The following ANO2 variants were observed in gnomAD, a reference collection of about 807,000 sequenced individuals.
ANO2 encodes the protein anoctamin 2.
Under a neutral mutation model 124.2 loss-of-function variants are expected in ANO2, and 101 were observed. The ratio of observed to expected loss-of-function variants is 0.81; its 90% confidence interval spans 0.69 to 0.96. The LOEUF is 0.96. ANO2 is among the 40% of genes least tolerant of loss of function. ANO2 has a pLI of 0.00. For synonymous variants in ANO2, 486 were observed against 482.5 expected, an observed-to-expected ratio of 1.01 and a Z score of -0.09; for missense variants, 1,293 against 1,274.5, an observed-to-expected ratio of 1.01 and a Z score of -0.22.
At chr12:5,775,364 G>A (rs891331483) in intron 10 of ANO2, among the ~76,000 whole-genome samples, 5 of 151,622 alleles carry the variant, frequency 3.3e-5, no homozygotes, top group Non-Finnish European at 7.4e-5. Context: ...ACATATGCCC[G>A]TATGAGTCAT....
intron 10 of ANO2, among the ~76,000 whole-genome samples, chr12:5,765,066 G>A (rs1048373743): frequency 1.1e-4 from 17 of 152,344 alleles, no homozygotes; most frequent in Admixed American, 5.9e-4. Context: ...CCAGGAGCCT[G>A]AGCACAGAGT....
intron 22 of ANO2, among the ~76,000 whole-genome samples, chr12:5,576,308 G>C (rs1348373008): frequency 6.6e-6 from 1 of 152,206 alleles, no homozygotes; most frequent in East Asian, 1.9e-4. Flanking sequence ...CCACTTCTGA[G>C]ATATCTAACA....
chr12:5,702,036 A>T (rs1949424078), intron 14 of ANO2, among the ~76,000 whole-genome samples: 2 of 152,250 alleles, frequency 1.3e-5, no homozygotes, highest in Admixed American at 6.5e-5. Flanking sequence ...TAAAAAATAA[A>T]AAAATAATAG....
intron 16 of ANO2, among the ~76,000 whole-genome samples, chr12:5,617,314 T>C (rs1352633915): frequency 6.6e-6 from 1 of 151,412 alleles, no homozygotes; most frequent in African/African-American, 2.4e-5. Flanking sequence ...CAGATAACAC[T>C]GTATCACAAC....
In ANO2 at chr12:5,862,824, CTT is replaced by C. The variant is rs1314076851; in HGVS notation, c.535-8685_535-8684del. ...TCTTTTTTTGAGACAAAATTTCGCT[CTT>C]GTTACCCAGGCTGGAGTGCAATGGC... is the stretch of plus-strand genomic sequence containing the variant. On this transcript the variant is annotated intron_variant, in intron 3 of 24. Coordinates refer to ENST00000682330, the MANE Select transcript of ANO2 (RefSeq NM_001364791.2). This position sits in a 1 kb window ranked among gnomAD's most constrained non-coding sequence, Gnocchi z 4.0. 6.6e-6 allele frequency among the ~76,000 whole-genome samples: 1 copy of C among 152,048 alleles called. No homozygotes were observed. Among genetic ancestry groups the C allele is most frequent in the Non-Finnish European group, 1.5e-5 (1 of 67,998 alleles).
intron 3 of ANO2, among the ~76,000 whole-genome samples, chr12:5,912,242 T>C (rs1591782039): frequency 6.6e-6 from 1 of 152,194 alleles, no homozygotes; most frequent in African/African-American, 2.4e-5. Context: ...ACCTGGACAC[T>C]GCTCATCTCT....
chr12:5,735,898 T>C (rs1348118097), intron 13 of ANO2, among the ~76,000 whole-genome samples: 1 of 152,030 alleles, frequency 6.6e-6, no homozygotes, highest in African/African-American at 2.4e-5. Context: ...TAAGCTTTGA[T>C]GTTATACACG....
chr12:5,931,253 TC>T (rs1301336539), intron 1 of ANO2, among the ~76,000 whole-genome samples: 2 of 151,806 alleles, frequency 1.3e-5, no homozygotes, highest in African/African-American at 2.4e-5. Context: ...CTGCTGGCCT[TC>T]CCCCTATACC....
chr12:5,583,938 A>C, intron 20 of ANO2: 1 of 226,002 alleles, frequency 4.4e-6, no homozygotes. Flanking sequence ...CTTCCTGCAC[A>C]GCTTCATCCT....
intron 3 of ANO2, among the ~76,000 whole-genome samples, chr12:5,863,677 C>G (rs1179720709): frequency 6.6e-6 from 1 of 151,864 alleles, no homozygotes; most frequent in Non-Finnish European, 1.5e-5. Flanking sequence ...TGTCAAAACT[C>G]AACAGATTGG....
At chr12:5,691,019 A>G (rs1214451023) in intron 14 of ANO2, among the ~76,000 whole-genome samples, 1 of 152,160 alleles carries the variant, frequency 6.6e-6, no homozygotes, top group Non-Finnish European at 1.5e-5. Flanking sequence ...TAAAATGGAG[A>G]GACGGCCGGC....
At chr12:5,696,279 A>T in intron 14 of ANO2, among the ~76,000 whole-genome samples, 1 of 152,234 alleles carries the variant, frequency 6.6e-6, no homozygotes, top group East Asian at 1.9e-4. Context: ...ACCTTTAAAA[A>T]GAAACGCAAA....
intron 10 of ANO2, among the ~76,000 whole-genome samples, chr12:5,766,999 G>A (rs908642518): frequency 9.2e-5 from 14 of 152,218 alleles, no homozygotes; most frequent in Non-Finnish European, 1.9e-4. Flanking sequence ...CAATTCTCAG[G>A]AGATCAGAAG....
intron 19 of ANO2, among the ~76,000 whole-genome samples, chr12:5,610,055 T>G (rs1405327468): frequency 7.3e-6 from 1 of 136,374 alleles, no homozygotes; most frequent in African/African-American, 2.8e-5. Context: ...ATATATTATA[T>G]ATAAATATTT....
intron 23 of ANO2, among the ~76,000 whole-genome samples, chr12:5,568,525 G>A (rs997064077): frequency 2.8e-4 from 43 of 152,070 alleles, no homozygotes; most frequent in African/African-American, 8.9e-4. Context: ...TAAATGACTC[G>A]TTGTTTACAT....
rs149680800 is a variant in ANO2, at chr12:5,888,635, C to T, written c.534+32405G>A. On this transcript the variant is annotated intron_variant, in intron 3 of 24. Transcript: ENST00000682330. ...CACAGAGTGTGGACACAAAAGTTCT[C>T]CACGTCCCCACTAGATTAGCTAGAT... Among the ~76,000 whole-genome samples the T allele has an allele frequency of 1.2e-4, 19 of 152,308 alleles. No individual in the cohort carries two copies. The East Asian group carries it at 3.7e-3, about 29-fold the overall frequency.
At chr12:5,923,737 G>A (rs1007835443) in intron 1 of ANO2, among the ~76,000 whole-genome samples, 7 of 152,234 alleles carry the variant, frequency 4.6e-5, no homozygotes, top group Admixed American at 6.5e-5. Flanking sequence ...AGGGAACTGA[G>A]AGAGTAGATA....
chr12:5,830,500 C>T lies in ANO2; in HGVS notation c.786-11G>A. The T allele has an allele frequency of 6.2e-7, 1 of 1,609,250 alleles. No individual in the cohort carries two copies. Among genetic ancestry groups the T allele is most frequent in the Non-Finnish European group, 8.5e-7 (1 of 1,177,822 alleles). On this transcript the variant is annotated splice_polypyrimidine_tract_variant and intron_variant, in intron 5 of 24. Transcript: ENST00000682330. ...TCCTGGATGTTGTACCTGGAGACAC[C>T]AAGAGAGCAGATGGCAAATTCATTT... is the stretch of plus-strand genomic sequence containing the variant.
intron 14 of ANO2, among the ~76,000 whole-genome samples, chr12:5,665,889 A>AT (rs146435693): frequency 0.011 from 1,687 of 151,890 alleles, 27 homozygotes; most frequent in African/African-American, 0.039. Flanking sequence ...TGGCTGGGGG[A>AT]TTTTTTTCCA....
Sources: allele counts gnomAD v4.1 joint callset (sites outside exome capture counted in the v4.1 genomes callset), GRCh38; gene constraint gnomAD v4.1.1; non-coding constraint Gnocchi (gnomAD v3.1); transcripts MANE v1.5; gene names NCBI Gene and HGNC (gene_info 2026-07-23, HGNC 2026-07-21).